SH3BP5: variants seen among roughly 807,000 people sequenced by gnomAD.
The protein encoded by SH3BP5 is SH3 domain-binding protein 5.
Under a neutral mutation model 43.3 loss-of-function variants are expected in SH3BP5, and 22 were observed. That is an observed-to-expected ratio of 0.51 (90% CI 0.36 to 0.73). The LOEUF is 0.73. Among genes scored for constraint, SH3BP5 ranks in the 30% least tolerant of loss-of-function variants. The pLI is 0.00. For synonymous variants in SH3BP5, 255 were observed against 225.8 expected (o/e 1.13, Z -1.16); for missense variants, 529 against 586.9 (o/e 0.90, Z 1.02).
chr3:15,292,745 G>A (rs1697447751), intron 3 of SH3BP5, among the ~76,000 whole-genome samples: 1 of 152,192 alleles, frequency 6.6e-6, no homozygotes, highest in Non-Finnish European at 1.5e-5. Context: ...CTACTCGGGA[G>A]GCTGAAGCAG....
intron 3 of SH3BP5, among the ~76,000 whole-genome samples, chr3:15,284,654 G>A (rs1040102836): frequency 1.3e-5 from 2 of 152,218 alleles, no homozygotes; most frequent in Non-Finnish European, 2.9e-5. Context: ...GCCAGGATTG[G>A]TCTTTTGCCA....
rs139109277 is a variant in SH3BP5 at position 15,306,517 on chromosome 3, C to CAAAAGAAAAG, written c.202-2296_202-2287dup. Reference sequence around the variant, plus strand: ...ACCCTGCCCTGTCTCAAAACAAAAACAAAAGAAAAGAAAAGAAAAGAAAGG... The same window carrying CAAAAGAAAAG: ...ACCCTGCCCTGTCTCAAAACAAAAACAAAAGAAAAGAAAAGAAAAGAAAAGAAAAGAAAGG... On this transcript the variant is annotated intron_variant, in intron 2 of 8. Coordinates refer to ENST00000383791, the MANE Select transcript of SH3BP5 (RefSeq NM_004844.5). 5.8e-3 allele frequency among the ~76,000 whole-genome samples: 872 copies of CAAAAGAAAAG among 151,542 alleles called. 1 individual carries two copies. Among genetic ancestry groups the CAAAAGAAAAG allele is most frequent in the South Asian group, 0.015 (73 of 4,798 alleles).
intron 1 of SH3BP5, among the ~76,000 whole-genome samples, chr3:15,338,102 G>A (rs1204109474): frequency 6.6e-6 from 1 of 151,558 alleles, no homozygotes; most frequent in East Asian, 1.9e-4. Context: ...AGCACTTTGG[G>A]AGGCCAATGT....
Position 15,332,350 on chromosome 3 carries a change from G to A in SH3BP5, c.59C>T (p.Ala20Val). 1.9e-6 allele frequency: 3 copies of A among 1,541,964 alleles called. No homozygotes were observed. Among genetic ancestry groups the A allele is most frequent in the Non-Finnish European group, 2.6e-6 (3 of 1,148,326 alleles). The stretch of plus-strand genomic sequence containing the variant: ...TTCCTCCTCCTCCTCCTCGTCCCGG[G>A]CAGGCGGCAGGATTTCGGCTGGCTC... ...SEEPAEILPP[A>V]RDEEEEEEEG... The change falls in exon 1 of 9, where the codon GCC becomes GTC. Residue 20 changes from alanine (A) to valine (V), a missense_variant. Transcript: ENST00000383791.
chr3:15,273,189 T>G (rs1230270956), intron 3 of SH3BP5: 1 of 985,270 alleles, frequency 1.0e-6, no homozygotes, highest in African/African-American at 1.7e-5. Flanking sequence ...GTATTTGCCT[T>G]TTTAGGAATT....
chr3:15,304,249 C>T lies in SH3BP5; in HGVS notation c.202-18G>A, dbSNP rs748586576. 11 of 1,613,930 alleles carry T rather than the reference C, an allele frequency of 6.8e-6. No individual in the cohort carries two copies. Among genetic ancestry groups the T allele is most frequent in the East Asian group, 2.2e-5 (1 of 44,888 alleles). ...CGAGCATCCTGCAGCCAGGGGAAAC[C>T]GAGGAAACACAGTTGAGGCTTAAGA... On this transcript the variant is annotated intron_variant, in intron 2 of 8. Transcript: ENST00000383791.
intron 1 of SH3BP5, among the ~76,000 whole-genome samples, chr3:15,340,752 A>G (rs940599356): frequency 2.0e-5 from 3 of 151,238 alleles, no homozygotes; most frequent in African/African-American, 7.4e-5. Flanking sequence ...ACCCTGTCTC[A>G]AAAAATAAAA....
intron 4 of SH3BP5, among the ~76,000 whole-genome samples, chr3:15,263,441 G>C (rs984634975): frequency 1.2e-4 from 19 of 152,212 alleles, no homozygotes; most frequent in African/African-American, 4.6e-4. Context: ...TGAACTAGTT[G>C]GCTGTGCACA....
intron 3 of SH3BP5, among the ~76,000 whole-genome samples, chr3:15,272,220 G>A (rs572308860): frequency 9.9e-5 from 15 of 152,284 alleles, no homozygotes; most frequent in East Asian, 3.9e-4. Context: ...AGCTTTTCCC[G>A]AGCACTCTGT....
At chr3:15,330,463 T>G in intron 2 of SH3BP5, 41 bp downstream of exon 2, 6 of 1,521,984 alleles carry the variant, frequency 3.9e-6, no homozygotes, top group Non-Finnish European at 5.5e-6. Flanking sequence ...CCGGTGTGAG[T>G]GACATCACTT....
At chr3:15,304,814 C>CAAAA (rs11358968) in intron 2 of SH3BP5, among the ~76,000 whole-genome samples, 3 of 80,146 alleles carry the variant, frequency 3.7e-5, no homozygotes, top group Admixed American at 1.4e-4. Flanking sequence ...GACTCTGTCT[C>CAAAA]AAAAAAAAAA....
intron 3 of SH3BP5, among the ~76,000 whole-genome samples, chr3:15,288,324 C>T (rs1241106633): frequency 6.6e-6 from 1 of 152,224 alleles, no homozygotes; most frequent in Non-Finnish European, 1.5e-5. Flanking sequence ...GCAGCCCAGT[C>T]AAGCTGACAC....
At position 15,280,015 on chromosome 3, in the gene SH3BP5, T is replaced by C. The variant is rs142371858; in HGVS notation, c.331-10138A>G. On this transcript the variant is annotated intron_variant, in intron 3 of 8. Transcript: ENST00000383791. ...CTGGCAGGAGGATGGTCTTGGGCCTTATGTTTTCACAGGGCACTACTTAGC... is the reference window on the plus strand; with the variant it reads ...CTGGCAGGAGGATGGTCTTGGGCCTCATGTTTTCACAGGGCACTACTTAGC... 6.7e-3 allele frequency among the ~76,000 whole-genome samples: 1,027 copies of C among 152,280 alleles called. 11 individuals carry two copies. The highest frequency in any genetic ancestry group is 0.024 in the African/African-American group (988 of 41,560).
intron 2 of SH3BP5, among the ~76,000 whole-genome samples, chr3:15,309,478 G>A (rs959370651): frequency 2.6e-5 from 4 of 152,158 alleles, no homozygotes; most frequent in Non-Finnish European, 5.9e-5. Flanking sequence ...AAACTCCTGG[G>A]CTCAAGGGAT....
rs951622720 is a variant in SH3BP5 at position 15,262,358 on chromosome 3, T to C, written c.496-69A>G. The C allele has an allele frequency of 5.2e-6, 8 of 1,532,794 alleles. No homozygotes were observed. The Admixed American group carries it at 1.4e-4, about 27-fold the overall frequency. The allele number at this position is 1,532,794 out of a possible 1,614,324, so 94.9% of individuals were successfully genotyped here. On this transcript the variant is annotated intron_variant, in intron 4 of 8. Transcript: ENST00000383791. ...CCCAGGCTTGGAATATTACTTATAT[T>C]ATTTTTCAAAAAATATTCTTTGCCC...
At chr3:15,271,204 C>A (rs967353054) in intron 3 of SH3BP5, among the ~76,000 whole-genome samples, 4 of 151,786 alleles carry the variant, frequency 2.6e-5, no homozygotes, top group Non-Finnish European at 5.9e-5. Context: ...ATAGCAAGAC[C>A]CTACTTCTGG....
chr3:15,256,865 C>CT lies in SH3BP5; in HGVS notation c.1137_1138insA (p.Glu380ArgfsTer14), dbSNP rs1696223883. On this transcript the variant is annotated frameshift_variant, in exon 8 of 9. Coordinates refer to ENST00000383791, the MANE Select transcript of SH3BP5 (RefSeq NM_004844.5). LOFTEE classifies it low-confidence loss of function (END_TRUNC). Reference sequence around the variant, plus strand: ...GGCTGCTACTCACCTCGTTCTACTTCACATTCAGGGGAGGAGGCCCCGCTG... The same window carrying CT: ...GGCTGCTACTCACCTCGTTCTACTTCTACATTCAGGGGAGGAGGCCCCGCTG... 1 of 1,610,264 alleles carries CT rather than the reference C, an allele frequency of 6.2e-7. No individual in the cohort carries two copies. The highest frequency in any genetic ancestry group is 1.1e-5 in the South Asian group (1 of 90,948).
chr3:15,265,562 C>CACACA (rs1696616127), intron 4 of SH3BP5, among the ~76,000 whole-genome samples: 1 of 61,176 alleles, frequency 1.6e-5, no homozygotes, highest in Admixed American at 1.8e-4. Flanking sequence ...ACACACACAA[C>CACACA]CCTCCAGCTC....
intron 3 of SH3BP5, among the ~76,000 whole-genome samples, chr3:15,285,597 G>C (rs896612153): frequency 2.6e-5 from 4 of 152,190 alleles, no homozygotes; most frequent in Non-Finnish European, 4.4e-5. Context: ...GAACATATCA[G>C]GAATACATCT....
Sources: gnomAD v4.1 joint callset for allele counts (sites outside exome capture counted in the v4.1 genomes callset) on GRCh38, gnomAD v4.1.1 for gene constraint, MANE v1.5 for transcripts, NCBI Gene and HGNC (gene_info 2026-07-23, HGNC 2026-07-21) for gene names.